The following HAPSTR1 variants were observed in gnomAD, a reference collection of about 807,000 sequenced individuals.
HAPSTR1 encodes the protein HUWE1-associated protein modifying stress responses 1.
At chr16:9,094,577 A>G in the HAPSTR1 span, among the ~76,000 whole-genome samples, 1 of 151,830 alleles carries the variant, frequency 6.6e-6, no homozygotes, top group Non-Finnish European at 1.5e-5. Flanking sequence ...TTTCTCCTCC[A>G]TCATGTCCTA....
chr16:9,107,262 T>G, the HAPSTR1 span: 8 of 152,262 alleles, frequency 5.3e-5, no homozygotes, highest in African/African-American at 1.9e-4. Flanking sequence ...ATATGGCAGA[T>G]TCGGTGCTGT....
At chr16:9,103,117 G>A in the HAPSTR1 span, 4 of 1,614,178 alleles carry the variant, frequency 2.5e-6, no homozygotes, top group South Asian at 1.1e-5. Context: ...TCAGCTTCCT[G>A]TGTGGAAAAG....
the HAPSTR1 span, chr16:9,091,915 G>A: frequency 6.7e-6 from 5 of 751,304 alleles, no homozygotes; most frequent in Non-Finnish European, 9.5e-6. Flanking sequence ...GGCCTGGGCC[G>A]CTGAAAGGAG....
the HAPSTR1 span, chr16:9,102,912 TGGTTTTCTTTAGAAGGGAATACG>T: frequency 6.7e-7 from 1 of 1,486,706 alleles, no homozygotes; most frequent in Non-Finnish European, 9.1e-7. Context: ...AATTGTAAAA[TGGTTTTCTTTAGAAGGGAATACG>T]GGCTCTAATG....
chr16:9,109,527 G>C, the HAPSTR1 span: 1 of 152,132 alleles, frequency 6.6e-6, no homozygotes, highest in Non-Finnish European at 1.5e-5. Context: ...CTTGACTGCA[G>C]GGCTTGGAGT....
At chr16:9,118,873 G>C in the HAPSTR1 span, 1 of 152,560 alleles carries the variant, frequency 6.6e-6, no homozygotes. Flanking sequence ...CTTGGTTCTT[G>C]CTCCTCTTTC....
At chr16:9,093,016 G>A in the HAPSTR1 span, 2 of 1,603,394 alleles carry the variant, frequency 1.2e-6, no homozygotes, top group African/African-American at 1.3e-5. Context: ...AGATAACCTT[G>A]CTGCATTGCC....
At chr16:9,104,228 C>T in the HAPSTR1 span, 1 of 151,912 alleles carries the variant, frequency 6.6e-6, no homozygotes, top group Admixed American at 6.6e-5. Context: ...ATTCTCCTGC[C>T]TCAGCCTCCC....
At chr16:9,092,942 G>A in the HAPSTR1 span, 3 of 1,609,270 alleles carry the variant, frequency 1.9e-6, no homozygotes, top group Non-Finnish European at 2.5e-6. Flanking sequence ...CAGCAGCCAG[G>A]ACTTTCTCTC....
chr16:9,094,731 C>T, the HAPSTR1 span, among the ~76,000 whole-genome samples: 1 of 152,072 alleles, frequency 6.6e-6, no homozygotes, highest in Non-Finnish European at 1.5e-5. Context: ...TGTGGCAGTA[C>T]CATGGTTTAT....
the HAPSTR1 span, among the ~76,000 whole-genome samples, chr16:9,098,225 C>G: frequency 1.3e-5 from 2 of 152,228 alleles, no homozygotes; most frequent in African/African-American, 2.4e-5. Flanking sequence ...CCAGCTAACT[C>G]GGAAGGCTGA....
the HAPSTR1 span, chr16:9,092,934 G>C: frequency 5.0e-6 from 8 of 1,603,380 alleles, no homozygotes; most frequent in Non-Finnish European, 6.8e-6. Flanking sequence ...GAGTGTGTCA[G>C]CAGCCAGGAC....
chr16:9,094,652 C>T, the HAPSTR1 span, among the ~76,000 whole-genome samples: 2 of 152,152 alleles, frequency 1.3e-5, no homozygotes, highest in African/African-American at 4.8e-5. Context: ...TGATAAGGTT[C>T]ACCCATCGAG....
chr16:9,120,542 A>C, the HAPSTR1 span: 1 of 152,020 alleles, frequency 6.6e-6, no homozygotes, highest in Non-Finnish European at 1.5e-5. Flanking sequence ...TAGCAAGTCA[A>C]GTTTTCGATG....
At chr16:9,102,764 C>G in the HAPSTR1 span, among the ~76,000 whole-genome samples, 1 of 151,910 alleles carries the variant, frequency 6.6e-6, no homozygotes, top group Non-Finnish European at 1.5e-5. Flanking sequence ...AGCCAAGCTC[C>G]AGGACTGTGA....
At chr16:9,113,027 G>GTTTTTTTTTTTTTTTTTTTTT in the HAPSTR1 span, 1 of 128,336 alleles carries the variant, frequency 7.8e-6, no homozygotes, top group African/African-American at 2.9e-5. Flanking sequence ...TGTTTTTTTT[G>GTTTTTTTTTTTTTTTTTTTTT]TTTTTTTTTG....
At chr16:9,100,274 C>G in the HAPSTR1 span, among the ~76,000 whole-genome samples, 2 of 152,168 alleles carry the variant, frequency 1.3e-5, no homozygotes, top group Non-Finnish European at 2.9e-5. Context: ...TGTCTTACAT[C>G]TAAGCCAGGC....
the HAPSTR1 span, among the ~76,000 whole-genome samples, chr16:9,094,306 T>G: frequency 6.6e-6 from 1 of 152,190 alleles, no homozygotes; most frequent in Non-Finnish European, 1.5e-5. Flanking sequence ...TATAGCTGTT[T>G]GTTAAATTGT....
At chr16:9,115,446 C>T in the HAPSTR1 span, among the ~76,000 whole-genome samples, 7 of 152,192 alleles carry the variant, frequency 4.6e-5, no homozygotes, top group Non-Finnish European at 5.9e-5. Context: ...CTGCCAGTGA[C>T]GGTAGGTTTT....
Sources: allele counts gnomAD v4.1 joint callset (sites outside exome capture counted in the v4.1 genomes callset), GRCh38; gene constraint gnomAD v4.1.1; transcripts MANE v1.5; gene names NCBI Gene and HGNC (gene_info 2026-07-23, HGNC 2026-07-21).